Variants in ZNF600 observed in about 807,000 individuals in gnomAD.
ZNF600 encodes zinc finger protein 600, also known as zinc finger protein KR-ZNF1.
Under a neutral mutation model 7.3 loss-of-function variants are expected in ZNF600, and 4 were observed. That is an observed-to-expected ratio of 0.55 (90% CI 0.27 to 1.25). The LOEUF is 1.25. Among genes scored for constraint, ZNF600 ranks in the 50% most tolerant of loss-of-function variants. ZNF600 has a pLI of 0.12. For synonymous variants in ZNF600, 290 were observed against 308.9 expected (o/e 0.94, Z 0.64); for missense variants, 911 against 922.1 (o/e 0.99, Z 0.16).
At chr19:52,829,261 T>A in the ZNF600 span, among the ~76,000 whole-genome samples, 5 of 151,812 alleles carry the variant, frequency 3.3e-5, no homozygotes, top group East Asian at 3.9e-4. Flanking sequence ...CATGTGCACA[T>A]TGTGCAGGTT....
intron 2 of ZNF600, among the ~76,000 whole-genome samples, chr19:52,777,461 A>G (rs1295341878): frequency 6.6e-6 from 1 of 152,056 alleles, no homozygotes; most frequent in African/African-American, 2.4e-5. Flanking sequence ...GGATCACTGG[A>G]GGCCAGGATA....
chr19:52,778,602 C>T (rs2062695324), intron 2 of ZNF600, among the ~76,000 whole-genome samples: 1 of 152,134 alleles, frequency 6.6e-6, no homozygotes, highest in African/African-American at 2.4e-5. Context: ...AGGTGTGAGC[C>T]CTTCCCAGGA....
At chr19:52,792,418 G>A in the ZNF600 span, among the ~76,000 whole-genome samples, 2 of 152,030 alleles carry the variant, frequency 1.3e-5, no homozygotes, top group East Asian at 1.9e-4. Context: ...CATCCAAAAG[G>A]CTAATCAGAA....
the ZNF600 span, among the ~76,000 whole-genome samples, chr19:52,823,785 AGGCGCGGTGGTTCAAGCCT>A: frequency 6.6e-6 from 1 of 152,128 alleles, no homozygotes; most frequent in East Asian, 1.9e-4. Flanking sequence ...ACTTCAGGCC[AGGCGCGGTGGTTCAAGCCT>A]GTAATCCCAG....
At chr19:52,764,517 CCTTT>C (rs2062553397), downstream of ZNF600, 1 of 145,456 alleles carries the variant, frequency 6.9e-6, no homozygotes, top group African/African-American at 2.5e-5. Flanking sequence ...GCTTTGATAT[CCTTT>C]TTTTTTTTTT....
chr19:52,826,101 G>C, the ZNF600 span, among the ~76,000 whole-genome samples: 2 of 152,188 alleles, frequency 1.3e-5, no homozygotes, highest in Non-Finnish European at 2.9e-5. Context: ...CTGGTGGAAG[G>C]CTGGACAGGA....
At chr19:52,787,143 C>T (rs1974833), upstream of ZNF600, among the ~76,000 whole-genome samples, 686 of 152,340 alleles carry the variant, frequency 4.5e-3, 4 homozygotes, top group African/African-American at 0.014. Context: ...GGGTCCACCC[C>T]GTGCTCAGCT....
the ZNF600 span, among the ~76,000 whole-genome samples, chr19:52,809,207 C>T: frequency 5.3e-5 from 8 of 152,124 alleles, no homozygotes; most frequent in African/African-American, 1.9e-4. Flanking sequence ...AAGCAATCAC[C>T]CTTTCAACTG....
chr19:52,831,058 G>A, the ZNF600 span, among the ~76,000 whole-genome samples: 6 of 152,024 alleles, frequency 3.9e-5, no homozygotes, highest in African/African-American at 9.7e-5. Flanking sequence ...GCAGTTTTAC[G>A]TCTCTTAAAT....
At chr19:52,770,429 T>A (rs7254849) in intron 3 of ZNF600, among the ~76,000 whole-genome samples, 9,146 of 152,216 alleles carry the variant, frequency 0.06, 880 homozygotes, top group African/African-American at 0.2. Flanking sequence ...TTGACAGGGC[T>A]AGACTCCATC....
the ZNF600 span, chr19:52,805,302 A>G: frequency 6.6e-6 from 1 of 150,484 alleles, no homozygotes; most frequent in African/African-American, 2.4e-5. Flanking sequence ...AAAGAAGGCT[A>G]AAGAGTAACT....
chr19:52,778,244 C>T (rs1216159407), intron 2 of ZNF600, among the ~76,000 whole-genome samples: 1 of 151,970 alleles, frequency 6.6e-6, no homozygotes, highest in Non-Finnish European at 1.5e-5. Context: ...GAACTCTTGA[C>T]CTCAAGTGGT....
the ZNF600 span, among the ~76,000 whole-genome samples, chr19:52,794,182 G>T: frequency 8.4e-4 from 128 of 152,272 alleles, no homozygotes; most frequent in African/African-American, 2.9e-3. Context: ...AGCAGTGGGT[G>T]TGGACAGAGA....
chr19:52,772,214 T>A (rs201798726), intron 3 of ZNF600, among the ~76,000 whole-genome samples: 2 of 151,754 alleles, frequency 1.3e-5, no homozygotes, highest in Admixed American at 6.6e-5. Flanking sequence ...ACCCTGAGGC[T>A]GGACAATCAC....
At chr19:52,810,937 C>T in the ZNF600 span, among the ~76,000 whole-genome samples, 5 of 126,310 alleles carry the variant, frequency 4.0e-5, no homozygotes, top group Non-Finnish European at 1.6e-5. Flanking sequence ...CCTCTGATGC[C>T]GAGCCAAAGC....
At chr19:52,807,773 G>C in the ZNF600 span, 5 of 720,630 alleles carry the variant, frequency 6.9e-6, no homozygotes, top group East Asian at 6.2e-5. Flanking sequence ...CCACGACCAG[G>C]CTGCCATAAA....
chr19:52,765,190 G>C (rs2062558666), exon 4 of ZNF600: 2 of 473,342 alleles, frequency 4.2e-6, no homozygotes, highest in Non-Finnish European at 8.5e-6. Flanking sequence ...TCTCAAAAAT[G>C]AATTTTCTGA....
chr19:52,800,832 C>T, the ZNF600 span: 1 of 1,613,650 alleles, frequency 6.2e-7, no homozygotes, highest in South Asian at 1.1e-5. Context: ...GTATGAATTA[C>T]ATGTGAAAGC....
the ZNF600 span, among the ~76,000 whole-genome samples, chr19:52,821,408 G>A: frequency 6.6e-6 from 1 of 152,152 alleles, no homozygotes; most frequent in Admixed American, 6.5e-5. Context: ...ACCAGCCTCA[G>A]GGCGACTTTA....
Sources: gnomAD v4.1 joint callset for allele counts (sites outside exome capture counted in the v4.1 genomes callset) on GRCh38, gnomAD v4.1.1 for gene constraint, MANE v1.5 for transcripts, NCBI Gene and HGNC (gene_info 2026-07-23, HGNC 2026-07-21) for gene names.